SMC6: variants seen among roughly 807,000 people sequenced by gnomAD.
The protein encoded by SMC6 is structural maintenance of chromosomes protein 6.
In SMC6, 79 loss-of-function variants were observed where a neutral mutation model predicts 142.2. The observed-to-expected ratio is 0.56, with a 90% CI of 0.46 to 0.67. The LOEUF (loss-of-function observed/expected upper bound fraction) is 0.67. SMC6 is among the 30% of genes least tolerant of loss of function. SMC6 has a pLI of 0.00. For missense variants in SMC6, 1,072 were observed against 1,284.0 expected (o/e 0.83, Z 2.52); for synonymous variants, 411 against 412.4 (o/e 1.00, Z 0.04).
chr2:17,667,743 AGGTGGCT>A lies in SMC6; in HGVS notation c.3064-1233_3064-1227del, dbSNP rs1666566375. 2.6e-5 allele frequency among the ~76,000 whole-genome samples: 4 copies of A among 152,270 alleles called. No homozygotes were observed. The South Asian group carries it at 8.3e-4, about 32-fold the overall frequency. Reference sequence around the variant, plus strand: ...TGCACACCTGTAATCCCAGCTACTCAGGTGGCTGAGTCACAAGGATCAATTGAATCCA... The same window carrying A: ...TGCACACCTGTAATCCCAGCTACTCAGAGTCACAAGGATCAATTGAATCCA... On this transcript the variant is annotated intron_variant, in intron 26 of 27. Coordinates refer to ENST00000448223, the MANE Select transcript of SMC6 (RefSeq NM_001142286.2).
Position 17,725,177 on chromosome 2 carries a change from T to C in SMC6, c.726+80A>G, listed in dbSNP as rs902776899. 1.7e-5 allele frequency: 15 copies of C among 879,608 alleles called. 1 individual carries two copies. In the Middle Eastern group the frequency reaches 1.2e-3, roughly 73 times the overall value. 54.5% of individuals were successfully genotyped at this position (879,608 alleles called of 1,614,324 possible). A position where few individuals can be genotyped will look rare whatever the true frequency, so the allele number is the denominator to read the frequency against. On this transcript the variant is annotated intron_variant, in intron 9 of 27. Transcript: ENST00000448223. ...AGTTTTATATAAATATACAGACACA[T>C]AGTTTTACAATATCATTTACTGTAA... is the stretch of plus-strand genomic sequence containing the variant.
chr2:17,707,003 C>G (rs1392659564), intron 18 of SMC6, among the ~76,000 whole-genome samples: 1 of 152,164 alleles, frequency 6.6e-6, no homozygotes, highest in African/African-American at 2.4e-5. Flanking sequence ...GGAATACGTT[C>G]TGGATTATCA....
intron 17 of SMC6, among the ~76,000 whole-genome samples, chr2:17,708,232 A>C (rs1668648836): frequency 6.6e-6 from 1 of 152,116 alleles, no homozygotes. Flanking sequence ...ATATTGATTT[A>C]TCTAACAGAG....
chr2:17,665,840 A>T (rs1420087260), intron 27 of SMC6, among the ~76,000 whole-genome samples: 1 of 152,218 alleles, frequency 6.6e-6, no homozygotes, highest in African/African-American at 2.4e-5. Context: ...AGTTTGGAGG[A>T]AAAGAAAATG....
At chr2:17,693,824 G>A (rs918892845) in intron 23 of SMC6, among the ~76,000 whole-genome samples, 7 of 151,346 alleles carry the variant, frequency 4.6e-5, no homozygotes, top group South Asian at 2.1e-4. Context: ...GATGAAACCC[G>A]GTCTCCACTA....
chr2:17,697,066 C>T lies in SMC6; in HGVS notation c.2395-640G>A, dbSNP rs144757810. Among the ~76,000 whole-genome samples the T allele has an allele frequency of 2.7e-3, 413 of 151,994 alleles. 3 individuals carry two copies. Among genetic ancestry groups the T allele is most frequent in the African/African-American group, 9.3e-3 (387 of 41,480 alleles). On this transcript the variant is annotated intron_variant, in intron 21 of 27. Transcript: ENST00000448223. Reference sequence around the variant, plus strand: ...ACATAAAGAGGGAAAGTATGAAGAACAACAAAAACAGGACAATTAAAACAC... The same window carrying T: ...ACATAAAGAGGGAAAGTATGAAGAATAACAAAAACAGGACAATTAAAACAC...
chr2:17,692,686 A>G (rs1020923511), intron 23 of SMC6, among the ~76,000 whole-genome samples: 2 of 152,234 alleles, frequency 1.3e-5, no homozygotes, highest in Non-Finnish European at 2.9e-5. Flanking sequence ...AATGGCAACA[A>G]AAGCCAAAAT....
intron 21 of SMC6, among the ~76,000 whole-genome samples, chr2:17,698,158 T>C (rs1391643633): frequency 2.0e-5 from 3 of 152,022 alleles, no homozygotes; most frequent in Non-Finnish European, 4.4e-5. Context: ...GAGTGTCTGT[T>C]AATCAGTACG....
intron 7 of SMC6, among the ~76,000 whole-genome samples, chr2:17,729,467 T>G (rs1464663812): frequency 6.9e-6 from 1 of 145,200 alleles, no homozygotes; most frequent in African/African-American, 2.9e-5. Flanking sequence ...AACTTTCTAA[T>G]AAATACAGCT....
In SMC6 at chr2:17,696,516, G is replaced by A. The variant is rs183849164; in HGVS notation, c.2395-90C>T. On this transcript the variant is annotated intron_variant, in intron 21 of 27. Coordinates refer to ENST00000448223, the MANE Select transcript of SMC6 (RefSeq NM_001142286.2). ...ATAAACAACTCGGTAAAGTGGCTAG[G>A]ATTATGCTGTTTGAAGAGGCAAGTG... 411 of 1,359,842 alleles carry A rather than the reference G, an allele frequency of 3.0e-4. No individual in the cohort carries two copies. The African/African-American group carries it at 5.4e-3, about 18-fold the overall frequency. The allele number at this position is 1,359,842 out of a possible 1,614,324, so 84.2% of individuals were successfully genotyped here.
In SMC6 at chr2:17,718,166, T is replaced by A. The variant is rs754452106; in HGVS notation, c.1003A>T (p.Ile335Phe). The A allele has an allele frequency of 1.9e-6, 3 of 1,611,184 alleles. No homozygotes were observed. The highest frequency in any genetic ancestry group is 2.7e-5 in the African/African-American group (2 of 74,912). ...GCTCGTGCATTTGTCTCTTCACTAA[T>A]CTTTTCTAGTTTGTCTTGAATATCC... ...YKDIQDKLEK[I>F]SEETNARAPE... Residue 335 changes from isoleucine (I) to phenylalanine (F), a missense_variant, in exon 12 of 28, where the codon ATT becomes TTT. Physicochemically the swap from Ile to Phe is conservative, Grantham distance 21. Around this residue, in one of 3 missense-constraint regions of SMC6, gnomAD observed 994 missense variants for 1,153.2 expected, o/e 0.86. Coordinates refer to ENST00000448223, the MANE Select transcript of SMC6 (RefSeq NM_001142286.2).
chr2:17,720,105 T>C (rs78550378), intron 11 of SMC6, among the ~76,000 whole-genome samples: 7,795 of 152,294 alleles, frequency 0.051, 230 homozygotes, highest in Middle Eastern at 0.12. Flanking sequence ...CCCACAGTTC[T>C]GGCTGCTCAA....
intron 27 of SMC6, among the ~76,000 whole-genome samples, chr2:17,666,218 G>T (rs899162393): frequency 6.6e-6 from 1 of 152,160 alleles, no homozygotes; most frequent in African/African-American, 2.4e-5. Flanking sequence ...ACTTGCTTCA[G>T]TTATGAAAGG....
chr2:17,665,665 T>TA (rs759519914), intron 27 of SMC6, 52 bp from the exon 28 acceptor site: 36 of 1,172,296 alleles, frequency 3.1e-5, no homozygotes, highest in South Asian at 6.1e-5. Context: ...TTTTACCAAT[T>TA]AAAAAAAATT....
At chr2:17,697,346 T>C (rs1297362002) in intron 21 of SMC6, among the ~76,000 whole-genome samples, 1 of 151,856 alleles carries the variant, frequency 6.6e-6, no homozygotes, top group Non-Finnish European at 1.5e-5. Context: ...TTCAAAACTA[T>C]AAGTGAGTTT....
At chr2:17,697,190 T>C (rs1032247514) in intron 21 of SMC6, among the ~76,000 whole-genome samples, 2 of 151,696 alleles carry the variant, frequency 1.3e-5, no homozygotes, top group Non-Finnish European at 2.9e-5. Context: ...TATTCAACAA[T>C]GTACTAAAGG....
chr2:17,694,398 A>G (rs1026098892), intron 23 of SMC6, among the ~76,000 whole-genome samples: 1 of 152,240 alleles, frequency 6.6e-6, no homozygotes, highest in African/African-American at 2.4e-5. Context: ...CTCTGATTTG[A>G]TCATTACACA....
At chr2:17,750,677 C>T (rs1670980435) in intron 2 of SMC6, among the ~76,000 whole-genome samples, 1 of 152,052 alleles carries the variant, frequency 6.6e-6, no homozygotes, top group Non-Finnish European at 1.5e-5. Flanking sequence ...TGTCCTTCAT[C>T]TCGTCTATCC....
chr2:17,665,436 T>G lies in SMC6; in HGVS notation c.*63A>C. ...AGTCTCATTTTATTATATCAAAGAG[T>G]CCAGAATTTTTTTTCCCTTCACAAA... On this transcript the variant is annotated 3_prime_UTR_variant, in exon 28 of 28. Transcript: ENST00000448223. 9.3e-7 allele frequency: 1 copy of G among 1,072,492 alleles called. No homozygotes were observed. The highest frequency in any genetic ancestry group is 1.4e-6 in the Non-Finnish European group (1 of 739,792). The allele number at this position is 1,072,492 out of a possible 1,614,324, so 66.4% of individuals were successfully genotyped here. A position where few individuals can be genotyped will look rare whatever the true frequency, so the allele number is the denominator to read the frequency against.
Sources: allele counts gnomAD v4.1 joint callset (sites outside exome capture counted in the v4.1 genomes callset), GRCh38; gene constraint gnomAD v4.1.1; regional missense constraint gnomAD v4.1.1; transcripts MANE v1.5; gene names NCBI Gene and HGNC (gene_info 2026-07-23, HGNC 2026-07-21).